The following SLC2A14 variants were observed in gnomAD, a reference collection of about 807,000 sequenced individuals.
SLC2A14 encodes solute carrier family 2, facilitated glucose transporter member 14.
SLC2A14 carries 13 observed loss-of-function variants against 43.0 expected under a neutral mutation model. That is an observed-to-expected ratio of 0.30 (90% CI 0.20 to 0.48). The LOEUF (loss-of-function observed/expected upper bound fraction) is 0.48, where lower values mean the gene tolerates loss of function less well. Among genes scored for constraint, SLC2A14 ranks in the 20% least tolerant of loss-of-function variants. The probability of loss-of-function intolerance (pLI) is 0.99; values close to 1 mark genes in which losing one functional copy is unlikely to be tolerated. For missense variants in SLC2A14, 428 were observed against 620.4 expected (o/e 0.69, Z 3.29); for synonymous variants, 190 against 233.8 (o/e 0.81, Z 1.71).
intron 1 of SLC2A14, among the ~76,000 whole-genome samples, chr12:7,882,425 G>GCTTCAT (rs1945599595): frequency 6.6e-6 from 1 of 152,090 alleles, no homozygotes; most frequent in South Asian, 2.1e-4. Flanking sequence ...AGGGTCCATG[G>GCTTCAT]CTTCATTCTT....
intron 7 of SLC2A14, among the ~76,000 whole-genome samples, chr12:7,824,728 CAAAA>C (rs59362614): frequency 3.3e-4 from 37 of 113,318 alleles, no homozygotes; most frequent in African/African-American, 1.2e-3. Context: ...GACTCTGTCT[CAAAA>C]AAAAAAAAAA....
At position 7,832,815 on chromosome 12, in the gene SLC2A14, C is replaced by T. The variant is rs1284816463; in HGVS notation, c.19-1G>A. ...TGGCAAAGATCAGAGCTGGGGTGAC[C>T]TGGAGAGACAGAGGACAGGGAGGAG... On this transcript the variant is annotated splice_acceptor_variant, in intron 2 of 10. Transcript: ENST00000431042. LOFTEE classifies it high-confidence loss of function. 1.2e-6 allele frequency: 2 copies of T among 1,614,024 alleles called. No individual in the cohort carries two copies. The highest frequency in any genetic ancestry group is 3.3e-5 in the Admixed American group (2 of 60,006).
At chr12:7,880,309 A>G (rs1345795432) in intron 1 of SLC2A14, among the ~76,000 whole-genome samples, 5 of 151,500 alleles carry the variant, frequency 3.3e-5, no homozygotes, top group African/African-American at 1.2e-4. Flanking sequence ...TCAAAAATAA[A>G]TAAATAAATA....
chr12:7,851,704 G>GT (rs1204672665), intron 2 of SLC2A14, among the ~76,000 whole-genome samples: 1 of 152,156 alleles, frequency 6.6e-6, no homozygotes, highest in Admixed American at 6.5e-5. Flanking sequence ...CAGTGACTTA[G>GT]TTGTATCTGG....
intron 2 of SLC2A14, among the ~76,000 whole-genome samples, chr12:7,856,911 A>G (rs1944280864): frequency 6.6e-6 from 1 of 151,940 alleles, no homozygotes; most frequent in Non-Finnish European, 1.5e-5. Flanking sequence ...AGAAGGATCA[A>G]TTGGTAAACA....
At chr12:7,864,992 G>A (rs541124043) in intron 2 of SLC2A14, among the ~76,000 whole-genome samples, 1 of 152,174 alleles carries the variant, frequency 6.6e-6, no homozygotes, top group Admixed American at 6.5e-5. Flanking sequence ...ATTGCATTTT[G>A]CTCCTATTGC....
intron 2 of SLC2A14, chr12:7,860,464 C>T (rs1484201416): frequency 6.6e-6 from 1 of 152,132 alleles, no homozygotes; most frequent in Non-Finnish European, 1.5e-5. Flanking sequence ...CGGAAATACA[C>T]TCTTGGAACC....
chr12:7,844,791 C>A (rs1866321903), intron 2 of SLC2A14, among the ~76,000 whole-genome samples: 1 of 152,126 alleles, frequency 6.6e-6, no homozygotes, highest in African/African-American at 2.4e-5. Context: ...CCGCCTTGGC[C>A]TCCCAAAGTG....
chr12:7,854,935 G>A (rs1196641915), intron 2 of SLC2A14, among the ~76,000 whole-genome samples: 2 of 151,918 alleles, frequency 1.3e-5, no homozygotes, highest in African/African-American at 4.8e-5. Flanking sequence ...TCAGCCTCCC[G>A]AGTAGCTGGG....
intron 5 of SLC2A14, among the ~76,000 whole-genome samples, chr12:7,829,303 A>T (rs1864790352): frequency 6.6e-6 from 1 of 152,114 alleles, no homozygotes; most frequent in Non-Finnish European, 1.5e-5. Context: ...GCTCACACCT[A>T]TAACCCAGAA....
At chr12:7,886,151 C>CTTTTTTTTTTTTTTTTTTTTT (rs3044922) in intron 1 of SLC2A14, among the ~76,000 whole-genome samples, 1 of 44,730 alleles carries the variant, frequency 2.2e-5, no homozygotes, top group Non-Finnish European at 3.9e-5. Flanking sequence ...GCCCGGACAG[C>CTTTTTTTTTTTTTTTTTTTTT]TTTTTTTTTT....
intron 1 of SLC2A14, among the ~76,000 whole-genome samples, chr12:7,880,373 G>A (rs987681526): frequency 2.0e-5 from 3 of 151,378 alleles, no homozygotes; most frequent in Non-Finnish European, 2.9e-5. Context: ...AAAAATCAAA[G>A]CTGAGGCAGG....
chr12:7,884,309 C>T (rs777766147), intron 1 of SLC2A14, among the ~76,000 whole-genome samples: 1 of 152,260 alleles, frequency 6.6e-6, no homozygotes, highest in South Asian at 2.1e-4. Context: ...GAGGCTGGGA[C>T]CTCTTGCTCC....
At chr12:7,882,583 A>T (rs7294407) in intron 1 of SLC2A14, among the ~76,000 whole-genome samples, 20,009 of 151,994 alleles carry the variant, frequency 0.13, 1,501 homozygotes, top group Admixed American at 0.21. Flanking sequence ...TTGTGATCTC[A>T]GCACTCTGGG....
intron 2 of SLC2A14, among the ~76,000 whole-genome samples, chr12:7,853,306 G>T (rs111818147): frequency 1.1e-4 from 17 of 151,946 alleles, no homozygotes; most frequent in African/African-American, 3.9e-4. Context: ...AGGCATGGTG[G>T]TGCGCGCCTG....
chr12:7,876,303 A>AAAAAAAAAG (rs1555149216), upstream of SLC2A14, among the ~76,000 whole-genome samples: 11 of 133,650 alleles, frequency 8.2e-5, no homozygotes, highest in South Asian at 5.1e-4. Context: ...AAAAAAAAAA[A>AAAAAAAAAG]AGAGAGACAA....
intron 1 of SLC2A14, chr12:7,890,967 T>C: frequency 1.3e-6 from 2 of 1,522,766 alleles, no homozygotes; most frequent in South Asian, 1.2e-5. Flanking sequence ...CTACCTGCCT[T>C]GAAGCATGAT....
intron 1 of SLC2A14, among the ~76,000 whole-genome samples, chr12:7,883,929 T>TTTCTTTC (rs746425699): frequency 3.6e-5 from 2 of 55,824 alleles, no homozygotes; most frequent in Non-Finnish European, 4.1e-5. Context: ...TCTTTCTTTC[T>TTTCTTTC]TTTTTTTTGT....
chr12:7,845,115 C>T (rs765273977), intron 2 of SLC2A14, among the ~76,000 whole-genome samples: 1 of 152,206 alleles, frequency 6.6e-6, no homozygotes, highest in East Asian at 1.9e-4. Context: ...TACATTCTTT[C>T]TATTTCACTA....
Sources: allele counts gnomAD v4.1 joint callset (sites outside exome capture counted in the v4.1 genomes callset), GRCh38; gene constraint gnomAD v4.1.1; transcripts MANE v1.5; gene names NCBI Gene and HGNC (gene_info 2026-07-23, HGNC 2026-07-21).